AIM2: variants seen among roughly 807,000 people sequenced by gnomAD.
AIM2 encodes the protein interferon-inducible protein AIM2.
In AIM2, 30 loss-of-function variants were observed where a neutral mutation model predicts 27.7. That is an observed-to-expected ratio of 1.08 (90% confidence interval 0.81 to 1.47). The LOEUF (loss-of-function observed/expected upper bound fraction) is 1.47, where lower values mean the gene tolerates loss of function less well. Among genes scored for constraint, AIM2 ranks in the 40% most tolerant of loss-of-function variants. The pLI is 0.00. For synonymous variants in AIM2, 141 were observed against 145.3 expected (o/e 0.97, Z 0.21); for missense variants, 358 against 411.3 (o/e 0.87, Z 1.12).
chr1:159,088,054 G>T lies in AIM2; in HGVS notation c.-15-21725C>A, dbSNP rs573871006. On this transcript the variant is annotated intron_variant, in intron 1 of 2. Transcript: ENST00000368129. ...AAGGGAAATTACAAAATAGTGGAAA[G>T]ATTTAATATAACTGGTGATAAGTTG... is the stretch of plus-strand genomic sequence containing the variant. 3.3e-5 allele frequency among the ~76,000 whole-genome samples: 5 copies of T among 152,248 alleles called. No homozygotes were observed. In the South Asian group the frequency reaches 6.2e-4, roughly 19 times the overall value.
At chr1:159,063,435 C>CA (rs774767559) in intron 5 of AIM2, 51 bp downstream of exon 5, 1 of 1,543,800 alleles carries the variant, frequency 6.5e-7, no homozygotes, top group African/African-American at 1.4e-5. Context: ...TGATAGAAAA[C>CA]AAAAAATATC....
intron 1 of AIM2, among the ~76,000 whole-genome samples, chr1:159,109,980 A>T (rs546183016): frequency 6.6e-6 from 1 of 152,362 alleles, no homozygotes; most frequent in African/African-American, 2.4e-5. Context: ...TAGTACAACC[A>T]CTATGGAAAA....
rs1173850263 is a variant in AIM2, at chr1:159,067,747, G to T, written c.396+821C>A. Among the ~76,000 whole-genome samples, 4 of 152,108 alleles carry T rather than the reference G, an allele frequency of 2.6e-5. No homozygotes were observed. The East Asian group carries it at 5.8e-4, about 22-fold the overall frequency. On this transcript the variant is annotated intron_variant, in intron 3 of 5. Coordinates refer to ENST00000368130, the MANE Select transcript of AIM2 (RefSeq NM_004833.3). ...AGGAAATGGTTCCTCTAGACAAAGA[G>T]AATGAAGTATATATCATCAGTTTTT...
At chr1:159,146,543 C>A (rs550219283) in intron 1 of AIM2, among the ~76,000 whole-genome samples, 24 of 152,140 alleles carry the variant, frequency 1.6e-4, no homozygotes, top group Admixed American at 9.8e-4. Context: ...CTGTCCATTT[C>A]ACTTTCCCCA....
intron 1 of AIM2, among the ~76,000 whole-genome samples, chr1:159,127,736 G>A (rs1268420743): frequency 6.6e-6 from 1 of 152,130 alleles, no homozygotes; most frequent in Non-Finnish European, 1.5e-5. Flanking sequence ...CAGCAAGTGG[G>A]CCCTCACCAC....
At chr1:159,058,006 T>C (rs1655713760), downstream of AIM2, among the ~76,000 whole-genome samples, 1 of 152,208 alleles carries the variant, frequency 6.6e-6, no homozygotes, top group Non-Finnish European at 1.5e-5. Context: ...AGTTGAGTGA[T>C]TCTCTTCTCT....
chr1:159,085,398 C>T (rs1656884785), intron 1 of AIM2, among the ~76,000 whole-genome samples: 1 of 152,130 alleles, frequency 6.6e-6, no homozygotes, highest in Non-Finnish European at 1.5e-5. Flanking sequence ...GAATTATTCC[C>T]AGATTTCTGG....
At chr1:159,115,497 T>C (rs945163124) in intron 1 of AIM2, among the ~76,000 whole-genome samples, 9 of 152,070 alleles carry the variant, frequency 5.9e-5, no homozygotes, top group African/African-American at 1.9e-4. Flanking sequence ...TATAGACCAA[T>C]GGAACAGAAC....
intron 1 of AIM2, among the ~76,000 whole-genome samples, chr1:159,115,107 C>A (rs1000667680): frequency 6.6e-6 from 1 of 152,106 alleles, no homozygotes; most frequent in African/African-American, 2.4e-5. Context: ...AATAAAATAC[C>A]TAGGAATCCA....
At chr1:159,069,546 CTT>C (rs760527368) in intron 2 of AIM2, among the ~76,000 whole-genome samples, 18 of 141,994 alleles carry the variant, frequency 1.3e-4, no homozygotes, top group East Asian at 2.0e-4. Flanking sequence ...TGATTTCTTT[CTT>C]TTTTTTTTTT....
upstream of AIM2, among the ~76,000 whole-genome samples, chr1:159,079,855 G>A (rs145854089): frequency 4.9e-3 from 745 of 152,206 alleles, 4 homozygotes; most frequent in African/African-American, 9.3e-3. Context: ...TCTCTCTCCC[G>A]ACAAATCCTG....
chr1:159,058,993 ACT>A (rs1305866941), downstream of AIM2, among the ~76,000 whole-genome samples: 1 of 151,862 alleles, frequency 6.6e-6, no homozygotes, highest in East Asian at 1.9e-4. Flanking sequence ...CCCAGTGCAC[ACT>A]CTGCCCAGTG....
At chr1:159,084,542 C>T (rs961498233) in intron 1 of AIM2, among the ~76,000 whole-genome samples, 4 of 152,000 alleles carry the variant, frequency 2.6e-5, no homozygotes, top group Non-Finnish European at 4.4e-5. Flanking sequence ...GAGGCCAAGG[C>T]GGGGGAATCG....
At chr1:159,114,224 A>T (rs911125053) in intron 1 of AIM2, among the ~76,000 whole-genome samples, 10 of 152,222 alleles carry the variant, frequency 6.6e-5, no homozygotes, top group African/African-American at 2.2e-4. Context: ...TATGCTGAGG[A>T]GTCATGAGGG....
intron 1 of AIM2, among the ~76,000 whole-genome samples, chr1:159,140,085 C>T (rs1320855653): frequency 3.3e-5 from 5 of 152,140 alleles, no homozygotes; most frequent in Non-Finnish European, 7.4e-5. Flanking sequence ...TGTTTCCTTT[C>T]AGGCGAGGGC....
intron 1 of AIM2, among the ~76,000 whole-genome samples, chr1:159,128,460 G>T (rs1647779520): frequency 6.6e-6 from 1 of 152,062 alleles, no homozygotes; most frequent in Non-Finnish European, 1.5e-5. Context: ...TAAATATTCT[G>T]TACTTGGAGA....
At chr1:159,101,927 T>G (rs751391830) in intron 1 of AIM2, among the ~76,000 whole-genome samples, 13 of 152,072 alleles carry the variant, frequency 8.5e-5, no homozygotes, top group African/African-American at 2.4e-5. Context: ...TGGGGAGAAA[T>G]TCAAGCCAGC....
chr1:159,062,790 A>C, intron 5 of AIM2, 72 bp from the exon 6 acceptor site: 1 of 1,385,638 alleles, frequency 7.2e-7, no homozygotes, highest in Non-Finnish European at 1.0e-6. Context: ...TGCAGTCACT[A>C]TGGCCTTCTG....
chr1:159,141,400 G>A (rs548866104), upstream of AIM2, among the ~76,000 whole-genome samples: 1 of 152,284 alleles, frequency 6.6e-6, no homozygotes, highest in South Asian at 2.1e-4. Flanking sequence ...GAGAGAAGCA[G>A]CAGACATCTG....
Sources: allele counts gnomAD v4.1 joint callset (sites outside exome capture counted in the v4.1 genomes callset), GRCh38; gene constraint gnomAD v4.1.1; transcripts MANE v1.5; gene names NCBI Gene and HGNC (gene_info 2026-07-23, HGNC 2026-07-21).